Variants in MACF1 observed in about 807,000 individuals in gnomAD.
MACF1 encodes the protein microtubule-actin cross-linking factor 1.
MACF1 carries 193 observed loss-of-function variants against 854.8 expected under a neutral mutation model. The observed-to-expected ratio is 0.23, with a 90% confidence interval of 0.20 to 0.25. The LOEUF is 0.25. Among genes scored for constraint, MACF1 ranks in the 10% least tolerant of loss-of-function variants. The pLI is 1.00. For missense variants in MACF1, 7,722 were observed against 8,929.1 expected (o/e 0.86, Z 5.45); for synonymous variants, 3,185 against 3,226.7 (o/e 0.99, Z 0.44).
At chr1:39,104,525 C>G (rs1030009265) in intron 2 of MACF1, among the ~76,000 whole-genome samples, 5 of 152,194 alleles carry the variant, frequency 3.3e-5, no homozygotes, top group Non-Finnish European at 5.9e-5. Flanking sequence ...CCACATTTCT[C>G]CCTTTTGATC....
At chr1:39,481,112 C>A in intron 99 of MACF1, 82 bp downstream of exon 99, 1 of 787,976 alleles carries the variant, frequency 1.3e-6, no homozygotes, top group South Asian at 1.6e-5. Context: ...CTTCCTGACA[C>A]GAATCCCTGC....
chr1:39,138,969 C>A (rs543411134), intron 2 of MACF1, among the ~76,000 whole-genome samples: 14 of 151,676 alleles, frequency 9.2e-5, no homozygotes, highest in Non-Finnish European at 1.9e-4. Context: ...CTGGCCTAGG[C>A]CAAATAATTT....
At position 39,462,047 on chromosome 1, in the gene MACF1, A is replaced by G; in HGVS notation, c.21678+10A>G. ...TAAAATCGAAGATGAGGTAAGGGAA[A>G]TAATTATATTTTGAGTACACTTCTG... On this transcript the variant is annotated intron_variant, in intron 93 of 100. Transcript: ENST00000564288. The G allele has an allele frequency of 1.2e-6, 2 of 1,613,234 alleles. No homozygotes were observed. The highest frequency in any genetic ancestry group is 1.7e-6 in the Non-Finnish European group (2 of 1,179,552).
chr1:39,234,868 G>C (rs1571205966), intron 2 of MACF1, among the ~76,000 whole-genome samples: 1 of 129,816 alleles, frequency 7.7e-6, no homozygotes, highest in East Asian at 2.5e-4. Flanking sequence ...ATCCCAGACG[G>C]GGCGGCGGGG....
chr1:39,120,041 G>A (rs1218363909), intron 2 of MACF1, among the ~76,000 whole-genome samples: 1 of 151,410 alleles, frequency 6.6e-6, no homozygotes, highest in African/African-American at 2.4e-5. Flanking sequence ...GCGGCACCAC[G>A]CTTGGCTAAT....
At chr1:39,267,730 T>C (rs547778887) in intron 6 of MACF1, among the ~76,000 whole-genome samples, 1 of 152,220 alleles carries the variant, frequency 6.6e-6, no homozygotes, top group Non-Finnish European at 1.5e-5. Context: ...ATATTGTTCA[T>C]CAGAGACCCT....
intron 2 of MACF1, among the ~76,000 whole-genome samples, chr1:39,232,700 T>A (rs1644791598): frequency 6.6e-6 from 1 of 151,882 alleles, no homozygotes; most frequent in Admixed American, 6.6e-5. Context: ...AGCTGGGCTT[T>A]ATGAAAACTA....
chr1:39,100,959 C>T (rs1642058344), intron 2 of MACF1, among the ~76,000 whole-genome samples: 1 of 152,144 alleles, frequency 6.6e-6, no homozygotes, highest in South Asian at 2.1e-4. Context: ...CCAAATTTTG[C>T]CATGTTACCC....
At chr1:39,147,486 C>T (rs183481446) in intron 2 of MACF1, among the ~76,000 whole-genome samples, 8 of 149,320 alleles carry the variant, frequency 5.4e-5, no homozygotes, top group Admixed American at 1.4e-4. Context: ...TCCCTTCCTT[C>T]CTTCTTTCCC....
chr1:39,125,337 T>C (rs1642830405), intron 2 of MACF1, among the ~76,000 whole-genome samples: 1 of 152,230 alleles, frequency 6.6e-6, no homozygotes. Flanking sequence ...CTATATGACC[T>C]TGGGCAACTT....
chr1:39,157,395 T>C (rs911517594), intron 2 of MACF1, among the ~76,000 whole-genome samples: 2 of 152,248 alleles, frequency 1.3e-5, no homozygotes, highest in African/African-American at 2.4e-5. Context: ...CAATCTGTAA[T>C]TGGGAGTTTT....
At chr1:39,416,794 A>G (rs910039686) in intron 58 of MACF1, among the ~76,000 whole-genome samples, 6 of 152,240 alleles carry the variant, frequency 3.9e-5, no homozygotes, top group Non-Finnish European at 8.8e-5. Context: ...AAGTGTGGTT[A>G]CTTTGTGGAA....
chr1:39,181,199 C>T (rs1195806666), intron 2 of MACF1, among the ~76,000 whole-genome samples: 2 of 152,250 alleles, frequency 1.3e-5, no homozygotes, highest in Non-Finnish European at 2.9e-5. Flanking sequence ...TGAGCCACTG[C>T]GCTGGGCCAG....
At chr1:39,234,391 C>G (rs868029289) in intron 2 of MACF1, among the ~76,000 whole-genome samples, 1 of 151,180 alleles carries the variant, frequency 6.6e-6, no homozygotes, top group Non-Finnish European at 1.5e-5. Context: ...CCTCACCTTC[C>G]GGGCGGGGCG....
At chr1:39,378,434 T>C (rs770724524) in intron 52 of MACF1, 27 bp from the exon 53 acceptor site, 12 of 1,601,860 alleles carry the variant, frequency 7.5e-6, no homozygotes, top group Admixed American at 1.7e-5. Flanking sequence ...GGTCTTGCCC[T>C]GTTTGTCTCC....
At chr1:39,485,502 C>T in intron 100 of MACF1, 36 bp from the exon 101 acceptor site, 1 of 1,554,388 alleles carries the variant, frequency 6.4e-7, no homozygotes, top group South Asian at 1.2e-5. Flanking sequence ...CCCATGCCAT[C>T]TCTATTAAGT....
chr1:39,366,225 A>G (rs879848643), intron 49 of MACF1, among the ~76,000 whole-genome samples: 27 of 152,338 alleles, frequency 1.8e-4, no homozygotes, highest in Middle Eastern at 3.4e-3. Context: ...GTATTCATTC[A>G]CGCAAACACA....
At chr1:39,299,624 C>T (rs1025648981) in intron 21 of MACF1, among the ~76,000 whole-genome samples, 22 of 152,154 alleles carry the variant, frequency 1.4e-4, no homozygotes, top group Non-Finnish European at 3.2e-4. Flanking sequence ...AACCCTAAAT[C>T]ATTTGTCATG....
chr1:39,214,710 C>T (rs746226239), intron 1 of MACF1, among the ~76,000 whole-genome samples: 2 of 152,098 alleles, frequency 1.3e-5, no homozygotes, highest in Non-Finnish European at 2.9e-5. Flanking sequence ...GCTGTAAGTG[C>T]GGGGAAGGGA....
Sources: allele counts gnomAD v4.1 joint callset (sites outside exome capture counted in the v4.1 genomes callset), GRCh38; gene constraint gnomAD v4.1.1; transcripts MANE v1.5; gene names NCBI Gene and HGNC (gene_info 2026-07-23, HGNC 2026-07-21).